GFRA1: variants seen among roughly 807,000 people sequenced by gnomAD.
GFRA1 encodes GDNF family receptor alpha-1.
Under a neutral mutation model 51.6 loss-of-function variants are expected in GFRA1, and 16 were observed. The ratio of observed to expected loss-of-function variants is 0.31; its 90% CI spans 0.21 to 0.47. The LOEUF (loss-of-function observed/expected upper bound fraction) is 0.47. GFRA1 is among the 20% of genes least tolerant of loss of function. The pLI is 1.00. For missense variants in GFRA1, 530 were observed against 594.3 expected (o/e 0.89, Z 1.13); for synonymous variants, 270 against 241.3 (o/e 1.12, Z -1.10).
At position 116,099,666 on chromosome 10, in the gene GFRA1, CTG is replaced by C. The variant is rs1339593339; in HGVS notation, c.771-2904_771-2903del. ...ATGTATTGACACAACAGCTGGATTC[CTG>C]TCCATCCCACTGACTGATGTGTCAA... is the stretch of plus-strand genomic sequence containing the variant. On this transcript the variant is annotated intron_variant, in intron 6 of 10. Transcript: ENST00000355422. 5.3e-5 allele frequency among the ~76,000 whole-genome samples: 8 copies of C among 152,282 alleles called. No homozygotes were observed. The East Asian group carries it at 1.5e-3, about 29-fold the overall frequency.
intron 5 of GFRA1, among the ~76,000 whole-genome samples, chr10:116,210,538 A>C (rs750929160): frequency 6.6e-6 from 1 of 152,148 alleles, no homozygotes; most frequent in African/African-American, 2.4e-5. Context: ...CTTATTACTT[A>C]TAGCTTGTTG....
At chr10:116,245,916 G>A (rs1046967582) in intron 4 of GFRA1, among the ~76,000 whole-genome samples, 2 of 152,184 alleles carry the variant, frequency 1.3e-5, no homozygotes, top group Non-Finnish European at 2.9e-5. Flanking sequence ...GCTGCCAGAG[G>A]CTTAGGAGAA....
At chr10:116,135,628 T>C (rs1445671332) in intron 5 of GFRA1, among the ~76,000 whole-genome samples, 1 of 152,140 alleles carries the variant, frequency 6.6e-6, no homozygotes, top group Non-Finnish European at 1.5e-5. Flanking sequence ...AATTATAATA[T>C]TAGACATAAA....
chr10:116,256,653 A>G (rs999037010), intron 4 of GFRA1, among the ~76,000 whole-genome samples: 13 of 152,304 alleles, frequency 8.5e-5, no homozygotes, highest in Non-Finnish European at 1.6e-4. Flanking sequence ...ACTGCTTTCA[A>G]TTAACACAAC....
intron 4 of GFRA1, among the ~76,000 whole-genome samples, chr10:116,232,018 G>GAAA (rs1237635340): frequency 6.6e-6 from 1 of 152,146 alleles, no homozygotes; most frequent in Non-Finnish European, 1.5e-5. Flanking sequence ...AGGAGAGAAA[G>GAAA]AAAGGAGAAG....
chr10:116,129,109 G>A (rs1000623807), intron 5 of GFRA1, among the ~76,000 whole-genome samples: 1 of 152,134 alleles, frequency 6.6e-6, no homozygotes, highest in Non-Finnish European at 1.5e-5. Flanking sequence ...GCTCACAGGT[G>A]AACATCTGAC....
intron 5 of GFRA1, among the ~76,000 whole-genome samples, chr10:116,133,419 C>T (rs1958187617): frequency 6.6e-6 from 1 of 152,118 alleles, no homozygotes; most frequent in Admixed American, 6.5e-5. Context: ...ATCCCAAAAC[C>T]TAGGACAAAA....
intron 5 of GFRA1, among the ~76,000 whole-genome samples, chr10:116,182,403 C>A (rs1962322564): frequency 6.6e-6 from 1 of 152,170 alleles, no homozygotes; most frequent in East Asian, 1.9e-4. Flanking sequence ...GAATATTACT[C>A]TTTTTGTAAT....
At chr10:116,202,905 G>A (rs1362978461) in intron 5 of GFRA1, among the ~76,000 whole-genome samples, 1 of 152,102 alleles carries the variant, frequency 6.6e-6, no homozygotes, top group African/African-American at 2.4e-5. Context: ...TCTGAGGATG[G>A]GGTGCTGAAA....
In GFRA1 at chr10:116,079,026, G is replaced by T. The variant is rs115647165; in HGVS notation, c.1197+10715C>A. ...CACAACACTTCCATCCACTATGGTC[G>T]TTGGGCAAAAGTCTCCTTTGAGATG... On this transcript the variant is annotated intron_variant, in intron 9 of 10. Coordinates refer to ENST00000355422, the MANE Select transcript of GFRA1 (RefSeq NM_005264.8). 7.2e-3 allele frequency among the ~76,000 whole-genome samples: 1,093 copies of T among 152,152 alleles called. 12 individuals are homozygous for T. Among genetic ancestry groups the T allele is most frequent in the African/African-American group, 0.025 (1,025 of 41,498 alleles).
At chr10:116,195,529 G>T in intron 5 of GFRA1, among the ~76,000 whole-genome samples, 1 of 152,138 alleles carries the variant, frequency 6.6e-6, no homozygotes, top group East Asian at 1.9e-4. Flanking sequence ...GTTCATAATC[G>T]GGTTCATGCT....
intron 9 of GFRA1, among the ~76,000 whole-genome samples, chr10:116,082,479 G>T (rs200021291): frequency 6.8e-4 from 101 of 147,652 alleles, no homozygotes; most frequent in African/African-American, 2.0e-3. Context: ...TGTTTTTTTT[G>T]TTTTTTTTTT....
upstream of GFRA1, among the ~76,000 whole-genome samples, chr10:116,273,694 T>TCACACA (rs1190475598): frequency 3.5e-4 from 30 of 84,778 alleles, no homozygotes; most frequent in Admixed American, 9.6e-4. Context: ...TCTCTCTCTC[T>TCACACA]CACACACACA....
At chr10:116,266,236 A>G (rs186101696) in intron 4 of GFRA1, among the ~76,000 whole-genome samples, 3 of 152,312 alleles carry the variant, frequency 2.0e-5, no homozygotes, top group Admixed American at 2.0e-4. Flanking sequence ...GTGGATAAAC[A>G]TGCTCTTCAT....
At chr10:116,143,656 TTCTCTC>T (rs3837365) in intron 5 of GFRA1, among the ~76,000 whole-genome samples, 11 of 149,852 alleles carry the variant, frequency 7.3e-5, no homozygotes, top group Non-Finnish European at 1.0e-4. Context: ...GTTTCATTCA[TTCTCTC>T]TCTCTCTCTC....
At chr10:116,199,884 C>T (rs566931008) in intron 5 of GFRA1, among the ~76,000 whole-genome samples, 1 of 152,322 alleles carries the variant, frequency 6.6e-6, no homozygotes, top group East Asian at 1.9e-4. Flanking sequence ...TCAATCGCTA[C>T]TTTCATTTCC....
At chr10:116,148,019 T>C (rs575284206) in intron 5 of GFRA1, among the ~76,000 whole-genome samples, 23 of 150,198 alleles carry the variant, frequency 1.5e-4, no homozygotes, top group Admixed American at 3.3e-4. Flanking sequence ...AGAACGTGTG[T>C]GCGCGCATGC....
rs1275199419 is a variant in GFRA1, at chr10:116,215,640, T to A, written c.419-3995A>T. On this transcript the variant is annotated intron_variant, in intron 4 of 10. Coordinates refer to ENST00000355422, the MANE Select transcript of GFRA1 (RefSeq NM_005264.8). The stretch of plus-strand genomic sequence containing the variant: ...TGGGGAATTACTCTGAGAATAAGAC[T>A]CGGGGCCATCTTTTCTGCTCTTGCA... 2.6e-5 allele frequency among the ~76,000 whole-genome samples: 4 copies of A among 152,320 alleles called. No individual in the cohort carries two copies. The East Asian group carries it at 5.8e-4, about 22-fold the overall frequency.
intron 5 of GFRA1, among the ~76,000 whole-genome samples, chr10:116,148,449 C>A (rs1589825505): frequency 6.6e-6 from 1 of 152,148 alleles, no homozygotes; most frequent in East Asian, 1.9e-4. Context: ...GCAAGTCATT[C>A]ACCTCTGTGC....
Sources: allele counts gnomAD v4.1 joint callset (sites outside exome capture counted in the v4.1 genomes callset), GRCh38; gene constraint gnomAD v4.1.1; transcripts MANE v1.5; gene names NCBI Gene and HGNC (gene_info 2026-07-23, HGNC 2026-07-21).